The following ANP32A variants were observed in gnomAD, a reference collection of about 807,000 sequenced individuals.
ANP32A encodes acidic nuclear phosphoprotein 32 family member A, also known as acidic leucine-rich nuclear phosphoprotein 32 family member A.
Under a neutral mutation model 33.9 loss-of-function variants are expected in ANP32A, and 1 was observed. The observed-to-expected ratio is 0.03, with a 90% CI of 0.01 to 0.14. The LOEUF (loss-of-function observed/expected upper bound fraction) is 0.14. Among genes scored for constraint, ANP32A ranks in the 10% least tolerant of loss-of-function variants. ANP32A has a pLI of 1.00. For missense variants in ANP32A, 155 were observed against 306.0 expected (o/e 0.51, Z 3.68); for synonymous variants, 115 against 120.5 (o/e 0.95, Z 0.30).
At chr15:68,799,599 A>G (rs1346814645) in intron 1 of ANP32A, among the ~76,000 whole-genome samples, 2 of 152,210 alleles carry the variant, frequency 1.3e-5, no homozygotes, top group Non-Finnish European at 2.9e-5. Flanking sequence ...GAGGCTCATG[A>G]AGGAGGCTTC....
At chr15:68,813,165 G>C (rs1231258316) in intron 1 of ANP32A, 1 of 152,244 alleles carries the variant, frequency 6.6e-6, no homozygotes, top group Non-Finnish European at 1.5e-5. Context: ...TGAATTCAGG[G>C]GGCAGCTGTG....
chr15:68,786,323 G>A (rs1031601356), intron 3 of ANP32A, among the ~76,000 whole-genome samples: 2 of 142,032 alleles, frequency 1.4e-5, no homozygotes, highest in East Asian at 2.1e-4. Flanking sequence ...GCAGTGACGC[G>A]ATCTCAGCTC....
At chr15:68,782,065 G>A (rs890881296) in intron 5 of ANP32A, among the ~76,000 whole-genome samples, 2 of 152,278 alleles carry the variant, frequency 1.3e-5, no homozygotes, top group East Asian at 1.9e-4. Context: ...GGACACAGGC[G>A]CCTTGTCCAT....
chr15:68,784,158 T>C (rs1435037161), intron 4 of ANP32A: 4 of 582,070 alleles, frequency 6.9e-6, no homozygotes, highest in Non-Finnish European at 1.2e-5. Context: ...ATGGGACTCA[T>C]GCTTTGTTCT....
At chr15:68,798,848 A>G (rs1313182948) in intron 1 of ANP32A, among the ~76,000 whole-genome samples, 1 of 152,216 alleles carries the variant, frequency 6.6e-6, no homozygotes, top group Non-Finnish European at 1.5e-5. Context: ...TCTATGCAAA[A>G]TGACAGCAGC....
At chr15:68,797,723 A>G (rs1894081965) in intron 1 of ANP32A, among the ~76,000 whole-genome samples, 1 of 152,106 alleles carries the variant, frequency 6.6e-6, no homozygotes, top group Admixed American at 6.5e-5. Flanking sequence ...CCTCATAGAC[A>G]ATGGAAATTT....
intron 1 of ANP32A, among the ~76,000 whole-genome samples, chr15:68,807,510 G>C (rs1385644196): frequency 6.6e-6 from 1 of 151,458 alleles, no homozygotes. Flanking sequence ...CCTCCTCCTG[G>C]GGCAGGCCGA....
At chr15:68,784,054 T>C (rs114607374) in intron 4 of ANP32A, among the ~76,000 whole-genome samples, 1,891 of 152,210 alleles carry the variant, frequency 0.012, 41 homozygotes, top group African/African-American at 0.044. Flanking sequence ...CCTGGGGGCT[T>C]TGGAAAAGGG....
chr15:68,787,668 AGCACCCG>A (rs1893949516), intron 2 of ANP32A, 95 bp downstream of exon 2: 2 of 1,592,696 alleles, frequency 1.3e-6, no homozygotes, highest in Non-Finnish European at 1.7e-6. Flanking sequence ...TGTTGGTGCA[AGCACCCG>A]GCTTTCCCTT....
At chr15:68,815,333 C>T (rs968399949) in intron 1 of ANP32A, among the ~76,000 whole-genome samples, 1 of 152,136 alleles carries the variant, frequency 6.6e-6, no homozygotes, top group Non-Finnish European at 1.5e-5. Flanking sequence ...TACATAGGGA[C>T]TTTTATAACA....
intron 1 of ANP32A, among the ~76,000 whole-genome samples, chr15:68,794,225 G>A (rs11632583): frequency 0.3 from 45,154 of 152,134 alleles, 7,895 homozygotes; most frequent in South Asian, 0.5. Context: ...GAATGGAAAC[G>A]AAGGGCAGGT....
intron 1 of ANP32A, among the ~76,000 whole-genome samples, chr15:68,810,996 G>T (rs979394727): frequency 6.8e-6 from 1 of 147,930 alleles, no homozygotes; most frequent in Non-Finnish European, 1.5e-5. Context: ...GGAGGTCGAG[G>T]TTGCAGTGAG....
At chr15:68,810,816 T>C (rs544205481) in intron 1 of ANP32A, among the ~76,000 whole-genome samples, 4 of 152,180 alleles carry the variant, frequency 2.6e-5, no homozygotes, top group South Asian at 2.1e-4. Flanking sequence ...TCCCAGCACT[T>C]TGGGAGGCCG....
chr15:68,819,110 A>C (rs1894434488), intron 1 of ANP32A, among the ~76,000 whole-genome samples: 1 of 152,184 alleles, frequency 6.6e-6, no homozygotes, highest in Non-Finnish European at 1.5e-5. Context: ...TAGGGAAAAG[A>C]GGAAGCGAGG....
At chr15:68,818,308 G>C (rs1387122996) in intron 1 of ANP32A, 1 of 240,120 alleles carries the variant, frequency 4.2e-6, no homozygotes, top group Non-Finnish European at 8.8e-6. Context: ...AGTTGGGAGA[G>C]GTGCCGAAGG....
intron 1 of ANP32A, among the ~76,000 whole-genome samples, chr15:68,812,047 T>C (rs984444105): frequency 3.6e-4 from 55 of 152,114 alleles, no homozygotes; most frequent in Non-Finnish European, 1.0e-4. Flanking sequence ...TTTTTTTTTT[T>C]TTTAAGTGAA....
intron 1 of ANP32A, among the ~76,000 whole-genome samples, chr15:68,813,868 GTTTTT>G (rs34385351): frequency 5.1e-5 from 6 of 118,342 alleles, no homozygotes; most frequent in African/African-American, 1.9e-4. Flanking sequence ...TTTCCAGGAA[GTTTTT>G]TTTTTTTTTT....
At chr15:68,809,846 G>A (rs1323620073) in intron 1 of ANP32A, among the ~76,000 whole-genome samples, 3 of 152,148 alleles carry the variant, frequency 2.0e-5, no homozygotes. Flanking sequence ...GGCACAGTGT[G>A]GAGCTCTGAA....
chr15:68,810,717 C>T (rs1454457868), intron 1 of ANP32A, among the ~76,000 whole-genome samples: 2 of 151,966 alleles, frequency 1.3e-5, no homozygotes, highest in Non-Finnish European at 2.9e-5. Context: ...TGACTAGAGC[C>T]GTAGAAGATA....
Sources: allele counts gnomAD v4.1 joint callset (sites outside exome capture counted in the v4.1 genomes callset), GRCh38; gene constraint gnomAD v4.1.1; transcripts MANE v1.5; gene names NCBI Gene and HGNC (gene_info 2026-07-23, HGNC 2026-07-21).